Variants in ENOSF1 observed in about 807,000 individuals in gnomAD.
ENOSF1 encodes the protein mitochondrial enolase superfamily member 1.
Under a neutral mutation model 68.2 loss-of-function variants are expected in ENOSF1, and 73 were observed. The observed-to-expected ratio is 1.07, with a 90% confidence interval of 0.89 to 1.30. ENOSF1 has a LOEUF of 1.30. Ranked by LOEUF, ENOSF1 falls within the 50% of genes most tolerant of loss-of-function variation. The pLI is 0.00. For synonymous variants in ENOSF1, 223 were observed against 210.4 expected (o/e 1.06, Z -0.52); for missense variants, 589 against 554.5 (o/e 1.06, Z -0.62).
intron 9 of ENOSF1, 162 bp from the exon 10 acceptor site, chr18:686,170 C>T (rs565866123): frequency 3.3e-6 from 2 of 615,012 alleles, no homozygotes; most frequent in Non-Finnish European, 5.9e-6. Flanking sequence ...TTGAAATAAA[C>T]CTGGGAACTT....
chr18:667,572 G>A (rs1438537405), downstream of ENOSF1: 11 of 60,512 alleles, frequency 1.8e-4, no homozygotes, highest in Non-Finnish European at 2.7e-4. Context: ...TGGTGATGGA[G>A]ATGGTGATGG....
chr18:672,318 T>C lies in ENOSF1; in HGVS notation c.*1987A>G, dbSNP rs1325543548. The C allele has an allele frequency of 1.3e-5, 2 of 152,206 alleles. No individual in the cohort carries two copies. Among genetic ancestry groups the C allele is most frequent in the African/African-American group, 4.8e-5 (2 of 41,448 alleles). 9.4% of individuals were successfully genotyped at this position (152,206 alleles called of 1,614,324 possible). ...TTGAGGGAGTTTGGCTGCTTTTGAG[T>C]GGAGGTGACTTCAGGCTTATTCTCT... On this transcript the variant is annotated 3_prime_UTR_variant, in exon 16 of 16. Transcript: ENST00000647584.
intron 3 of ENOSF1, among the ~76,000 whole-genome samples, chr18:695,378 T>C (rs1056125307): frequency 3.3e-5 from 5 of 152,200 alleles, no homozygotes; most frequent in African/African-American, 1.2e-4. Context: ...TAACTTAGTG[T>C]CCATTTGCTT....
intron 1 of ENOSF1, among the ~76,000 whole-genome samples, chr18:708,198 T>C (rs765841300): frequency 1.6e-4 from 25 of 152,158 alleles, no homozygotes; most frequent in Non-Finnish European, 2.2e-4. Context: ...AATCCCTGTA[T>C]TGGGGTGTCG....
chr18:673,388 A>T lies in ENOSF1; in HGVS notation c.*917T>A, dbSNP rs1419842099. The T allele has an allele frequency of 4.4e-6, 1 of 227,200 alleles. No individual in the cohort carries two copies. Among genetic ancestry groups the T allele is most frequent in the Non-Finnish European group, 8.8e-6 (1 of 113,850 alleles). The allele number at this position is 227,200 out of a possible 1,614,324, so 14.1% of individuals were successfully genotyped here. Reference sequence around the variant, plus strand: ...AAGAATTTCACAAGCTATTCCCTCAAATCTGAGGGAGCTGAGTAACACCAT... The same window carrying T: ...AAGAATTTCACAAGCTATTCCCTCATATCTGAGGGAGCTGAGTAACACCAT... On this transcript the variant is annotated 3_prime_UTR_variant, in exon 16 of 16. Transcript: ENST00000647584.
chr18:689,653 G>A (rs141314848), intron 8 of ENOSF1, among the ~76,000 whole-genome samples: 10 of 152,294 alleles, frequency 6.6e-5, no homozygotes, highest in East Asian at 5.8e-4. Flanking sequence ...AAGCCCATGT[G>A]ACATAAGAAG....
Position 674,304 on chromosome 18 carries a change from C to CTTAA in ENOSF1, c.1329_1332dup. 1 of 1,604,194 alleles carries CTTAA rather than the reference C, an allele frequency of 6.2e-7. No individual in the cohort carries two copies. The highest frequency in any genetic ancestry group is 2.2e-5 in the East Asian group (1 of 44,532). Reference sequence around the variant, plus strand: ...AGAAAAAAGTTGTTGGGGCTGAGCACTTAATTTTCTTGAGCAGGAAGGAGT... The same window carrying CTTAA: ...AGAAAAAAGTTGTTGGGGCTGAGCACTTAATTAATTTTCTTGAGCAGGAAGGAGT... On this transcript the variant is annotated 3_prime_UTR_variant, in exon 16 of 16. Coordinates refer to ENST00000647584, the MANE Select transcript of ENOSF1 (RefSeq NM_017512.7).
chr18:689,532 T>C (rs929788815), intron 8 of ENOSF1, among the ~76,000 whole-genome samples: 29 of 152,142 alleles, frequency 1.9e-4, no homozygotes, highest in Admixed American at 6.6e-5. Flanking sequence ...TCCACCCACC[T>C]CAGCCTCCCA....
Position 670,989 on chromosome 18 carries a change from G to A in ENOSF1, c.*3316C>T. 1 of 1,243,282 alleles carries A rather than the reference G, an allele frequency of 8.0e-7. No individual in the cohort carries two copies. The highest frequency in any genetic ancestry group is 1.1e-6 in the Non-Finnish European group (1 of 906,388). 77.0% of individuals were successfully genotyped at this position (1,243,282 alleles called of 1,614,324 possible). A position where few individuals can be genotyped will look rare whatever the true frequency, so the allele number is the denominator to read the frequency against. On this transcript the variant is annotated 3_prime_UTR_variant, in exon 16 of 16. Transcript: ENST00000647584. ...TAGCTTTTAAATTTGATATGTGTAA[G>A]TAAGAAATGAACCAGCTTTTACTTT...
intron 5 of ENOSF1, chr18:693,365 G>A (rs2077398599): frequency 3.4e-6 from 4 of 1,176,156 alleles, no homozygotes; most frequent in Admixed American, 3.5e-5. Flanking sequence ...TCTGTCACCT[G>A]AGTGCAGTGG....
chr18:706,607 A>G, intron 1 of ENOSF1, 29 bp from the exon 2 acceptor site: 2 of 1,540,916 alleles, frequency 1.3e-6, no homozygotes, highest in Non-Finnish European at 1.8e-6. Context: ...CCGCCGAAAC[A>G]ATGCCAGTGT....
At chr18:663,577 ATGAAGTCCT>A in the ENOSF1 span, among the ~76,000 whole-genome samples, 1 of 79,340 alleles carries the variant, frequency 1.3e-5, no homozygotes. Context: ...TGTTTTAGAC[ATGAAGTCCT>A]TGCCCATGCC....
At chr18:695,377 G>A (rs931286585) in intron 3 of ENOSF1, among the ~76,000 whole-genome samples, 8 of 152,060 alleles carry the variant, frequency 5.3e-5, no homozygotes, top group Admixed American at 3.9e-4. Context: ...GTAACTTAGT[G>A]TCCATTTGCT....
In ENOSF1 at chr18:671,785, CT is replaced by C. The variant is rs58489074; in HGVS notation, c.*2519del. The C allele has an allele frequency of 0.36, 89,043 of 244,456 alleles. 17,344 individuals carry two copies. Among genetic ancestry groups the C allele is most frequent in the East Asian group, 0.65 (4,480 of 6,876 alleles). The allele number at this position is 244,456 out of a possible 1,614,324, so 15.1% of individuals were successfully genotyped here. A position where few individuals can be genotyped will look rare whatever the true frequency, so the allele number is the denominator to read the frequency against. ...TTGAAGTGCAAATGTTTTTCCTTTT[CT>C]TTTTTTTTTGAGATGGAGTCTTTCT... On this transcript the variant is annotated 3_prime_UTR_variant, in exon 16 of 16. Transcript: ENST00000647584.
the ENOSF1 span, among the ~76,000 whole-genome samples, chr18:664,622 T>G: frequency 7.1e-6 from 1 of 140,842 alleles, no homozygotes; most frequent in Non-Finnish European, 1.5e-5. Context: ...GCTTCCAGTT[T>G]TTGCCCATTC....
At chr18:682,177 G>A (rs1400618279) in intron 11 of ENOSF1, among the ~76,000 whole-genome samples, 1 of 152,184 alleles carries the variant, frequency 6.6e-6, no homozygotes, top group Non-Finnish European at 1.5e-5. Context: ...TACCCTCTGA[G>A]AAATGTGCCG....
chr18:711,900 G>C (rs1366689498), intron 1 of ENOSF1, among the ~76,000 whole-genome samples: 1 of 152,168 alleles, frequency 6.6e-6, no homozygotes, highest in Non-Finnish European at 1.5e-5. Flanking sequence ...AAGAGACCCA[G>C]AGAGGTCTGG....
chr18:697,454 A>G, intron 2 of ENOSF1, 99 bp from the exon 3 acceptor site: 1 of 1,021,720 alleles, frequency 9.8e-7, no homozygotes, highest in Non-Finnish European at 1.5e-6. Context: ...AAGTTTTATG[A>G]AAAAATTAAA....
rs1471071680 is a variant in ENOSF1 at position 677,646 on chromosome 18, T to C, written c.1048+97A>G. 4.1e-6 allele frequency: 6 copies of C among 1,479,860 alleles called. No individual in the cohort carries two copies. In the African/African-American group the frequency reaches 8.5e-5, roughly 21 times the overall value. The allele number at this position is 1,479,860 out of a possible 1,614,324, so 91.7% of individuals were successfully genotyped here. On this transcript the variant is annotated intron_variant, in intron 13 of 15. Coordinates refer to ENST00000647584, the MANE Select transcript of ENOSF1 (RefSeq NM_017512.7). ...TTAGAAAAAAATCGAAATGGCAAAC[T>C]ACAGACTCCCATGCATGTGAATTGC...
Sources: gnomAD v4.1 joint callset for allele counts (sites outside exome capture counted in the v4.1 genomes callset) on GRCh38, gnomAD v4.1.1 for gene constraint, MANE v1.5 for transcripts, NCBI Gene and HGNC (gene_info 2026-07-23, HGNC 2026-07-21) for gene names.